EDN1: variants seen among roughly 807,000 people sequenced by gnomAD.
EDN1 encodes endothelin-1.
In EDN1, 11 loss-of-function variants were observed where a neutral mutation model predicts 21.7. That is an observed-to-expected ratio of 0.51 (90% CI 0.32 to 0.84). The LOEUF is 0.84. Among genes scored for constraint, EDN1 ranks in the 40% least tolerant of loss-of-function variants. The pLI is 0.03. For synonymous variants in EDN1, 85 were observed against 90.6 expected (o/e 0.94, Z 0.35); for missense variants, 244 against 262.3 (o/e 0.93, Z 0.48).
chr6:12,239,088 T>C, the EDN1 span, among the ~76,000 whole-genome samples: 1 of 152,188 alleles, frequency 6.6e-6, no homozygotes, highest in South Asian at 2.1e-4. Context: ...ACAGTGGGCC[T>C]CATTACAAGT....
At chr6:12,245,321 G>A in the EDN1 span, among the ~76,000 whole-genome samples, 2 of 152,292 alleles carry the variant, frequency 1.3e-5, no homozygotes, top group South Asian at 2.1e-4. Context: ...GGAAACTGGC[G>A]GTGGAACTGG....
Position 12,294,062 on chromosome 6 carries a change from T to G in EDN1, c.355T>G (p.Cys119Gly). The G allele has an allele frequency of 6.2e-7, 1 of 1,614,106 alleles. No individual in the cohort carries two copies. Among genetic ancestry groups the G allele is most frequent in the Non-Finnish European group, 8.5e-7 (1 of 1,180,022 alleles). Residue 119 changes from cysteine to glycine, a missense_variant, in exon 3 of 5, where the codon TGC becomes GGC. Physicochemically the swap from Cys to Gly is radical, Grantham distance 159 (BLOSUM62 -3). Transcript: ENST00000379375. ...ATGTGCTAGCCAAAAAGACAAGAAGTGCTGGAATTTTTGCCAAGCAGGAAA... is the reference window on the plus strand; with the variant it reads ...ATGTGCTAGCCAAAAAGACAAGAAGGGCTGGAATTTTTGCCAAGCAGGAAA... ...CQCASQKDKK[C>G]WNFCQAGKEL...
the EDN1 span, among the ~76,000 whole-genome samples, chr6:12,241,166 C>CTTTTT: frequency 7.9e-5 from 11 of 138,368 alleles, no homozygotes; most frequent in Non-Finnish European, 9.3e-5. Flanking sequence ...TTCTTTCTTT[C>CTTTTT]TTTTTTTTTT....
At chr6:12,280,187 G>T in the EDN1 span, among the ~76,000 whole-genome samples, 1 of 152,260 alleles carries the variant, frequency 6.6e-6, no homozygotes, top group East Asian at 1.9e-4. Context: ...GGAAGATATT[G>T]CAAAAATTCT....
chr6:12,233,916 T>G, the EDN1 span, among the ~76,000 whole-genome samples: 1 of 152,100 alleles, frequency 6.6e-6, no homozygotes, highest in Non-Finnish European at 1.5e-5. Context: ...CAAGTGTAGG[T>G]TTGACAGGAG....
At chr6:12,270,100 T>A in the EDN1 span, among the ~76,000 whole-genome samples, 1 of 152,064 alleles carries the variant, frequency 6.6e-6, no homozygotes, top group Non-Finnish European at 1.5e-5. Context: ...TCACTTATGA[T>A]CCTTTGTATT....
At chr6:12,250,540 T>A in the EDN1 span, among the ~76,000 whole-genome samples, 1 of 152,170 alleles carries the variant, frequency 6.6e-6, no homozygotes, top group Non-Finnish European at 1.5e-5. Flanking sequence ...GTGGGAGAAA[T>A]TCTGTGTAAG....
chr6:12,280,638 T>C, the EDN1 span, among the ~76,000 whole-genome samples: 30,714 of 152,098 alleles, frequency 0.2, 3,361 homozygotes, highest in South Asian at 0.33. Context: ...TTCATGCCTG[T>C]AATCCCAGCA....
At chr6:12,264,475 A>G in the EDN1 span, among the ~76,000 whole-genome samples, 1 of 152,322 alleles carries the variant, frequency 6.6e-6, no homozygotes, top group East Asian at 1.9e-4. Context: ...AAATCTAGTA[A>G]GTGGGTTGGA....
chr6:12,261,982 G>T, the EDN1 span, among the ~76,000 whole-genome samples: 1 of 152,090 alleles, frequency 6.6e-6, no homozygotes, highest in Non-Finnish European at 1.5e-5. Flanking sequence ...ACAGAGCAAA[G>T]GCATCAACAG....
the EDN1 span, among the ~76,000 whole-genome samples, chr6:12,249,004 T>C: frequency 6.6e-6 from 1 of 152,244 alleles, no homozygotes; most frequent in South Asian, 2.1e-4. Context: ...CTTCTAATTA[T>C]TTAGCACAAA....
At chr6:12,258,673 C>T in the EDN1 span, among the ~76,000 whole-genome samples, 2 of 152,180 alleles carry the variant, frequency 1.3e-5, no homozygotes, top group African/African-American at 4.8e-5. Context: ...ATCAGTGGAA[C>T]TGCATCATCA....
upstream of EDN1, among the ~76,000 whole-genome samples, chr6:12,285,642 G>T (rs192289366): frequency 8.5e-4 from 129 of 152,206 alleles, 1 homozygote; most frequent in African/African-American, 3.0e-3. Flanking sequence ...CGCAATCTCG[G>T]CTCACCACAA....
At chr6:12,242,346 G>T in the EDN1 span, among the ~76,000 whole-genome samples, 1 of 150,846 alleles carries the variant, frequency 6.6e-6, no homozygotes, top group South Asian at 2.1e-4. Flanking sequence ...CCCAGTAATT[G>T]TGTGGACTAG....
the EDN1 span, among the ~76,000 whole-genome samples, chr6:12,257,028 A>G: frequency 7.9e-6 from 1 of 126,362 alleles, no homozygotes; most frequent in Non-Finnish European, 1.7e-5. Context: ...CGATATAATG[A>G]AGAGTATGAA....
chr6:12,263,562 C>G, the EDN1 span, among the ~76,000 whole-genome samples: 5 of 152,174 alleles, frequency 3.3e-5, no homozygotes, highest in Non-Finnish European at 7.3e-5. Flanking sequence ...CTTCCTAATA[C>G]TCATTTATTG....
chr6:12,276,788 C>G, the EDN1 span, among the ~76,000 whole-genome samples: 22 of 152,192 alleles, frequency 1.4e-4, no homozygotes, highest in African/African-American at 5.3e-4. Context: ...TGCTCAAACA[C>G]CAATGCCTGG....
upstream of EDN1, among the ~76,000 whole-genome samples, chr6:12,285,695 T>C (rs774934846): frequency 6.6e-6 from 1 of 152,132 alleles, no homozygotes; most frequent in Non-Finnish European, 1.5e-5. Context: ...CTCAGCCTCT[T>C]GAGTAGCTGG....
chr6:12,289,749 A>G (rs772654934), upstream of EDN1, among the ~76,000 whole-genome samples: 14 of 152,124 alleles, frequency 9.2e-5, no homozygotes, highest in Admixed American at 4.6e-4. Context: ...TTTCTTGCCA[A>G]TCCCTCACGG....
Sources: allele counts gnomAD v4.1 joint callset (sites outside exome capture counted in the v4.1 genomes callset), GRCh38; gene constraint gnomAD v4.1.1; transcripts MANE v1.5; gene names NCBI Gene and HGNC (gene_info 2026-07-23, HGNC 2026-07-21).